The following ASPH variants were observed in gnomAD, a reference collection of about 807,000 sequenced individuals.
The protein encoded by ASPH is aspartyl/asparaginyl beta-hydroxylase.
ASPH carries 100 observed loss-of-function variants against 118.4 expected under a neutral mutation model. That is an observed-to-expected ratio of 0.84 (90% CI 0.72 to 1.00). The LOEUF is 1.00. Ranked by LOEUF, ASPH falls within the 50% of genes least tolerant of loss-of-function variation. The probability of loss-of-function intolerance (pLI) is 0.00; values close to 1 mark genes in which losing one functional copy is unlikely to be tolerated. For missense variants in ASPH, 920 were observed against 919.5 expected (o/e 1.00, Z -0.01); for synonymous variants, 315 against 325.6 (o/e 0.97, Z 0.35).
chr8:61,700,226 C>T (rs955474003), intron 1 of ASPH, among the ~76,000 whole-genome samples: 2 of 152,186 alleles, frequency 1.3e-5, no homozygotes, highest in Admixed American at 6.5e-5. Flanking sequence ...TGTGAATAAC[C>T]ATGCCAGTCA....
chr8:61,545,689 A>G (rs1009967132), intron 21 of ASPH, among the ~76,000 whole-genome samples: 3 of 152,222 alleles, frequency 2.0e-5, no homozygotes, highest in Non-Finnish European at 4.4e-5. Flanking sequence ...AGCCCATAGT[A>G]GACTGCCTTC....
At chr8:61,533,951 CTCTT>C (rs1157159349) in intron 21 of ASPH, among the ~76,000 whole-genome samples, 1 of 151,984 alleles carries the variant, frequency 6.6e-6, no homozygotes, top group Non-Finnish European at 1.5e-5. Context: ...TCCTTCTTGA[CTCTT>C]TATTTTTTTG....
intron 1 of ASPH, among the ~76,000 whole-genome samples, chr8:61,699,058 C>T (rs985719796): frequency 3.3e-5 from 5 of 152,282 alleles, no homozygotes; most frequent in Admixed American, 6.5e-5. Flanking sequence ...ACCAAGTGGG[C>T]GCTGGGACAT....
At chr8:61,586,356 C>T (rs934152085) in intron 14 of ASPH, among the ~76,000 whole-genome samples, 3 of 152,190 alleles carry the variant, frequency 2.0e-5, no homozygotes, top group South Asian at 4.1e-4. Flanking sequence ...TTGACACATA[C>T]CTCAAACTCA....
chr8:61,523,230 G>A (rs1272604166), intron 22 of ASPH, among the ~76,000 whole-genome samples: 1 of 151,642 alleles, frequency 6.6e-6, no homozygotes, highest in Non-Finnish European at 1.5e-5. Context: ...CTCTATTTCT[G>A]AACCACAGCA....
chr8:61,565,045 C>T (rs1449151430), intron 17 of ASPH, among the ~76,000 whole-genome samples: 2 of 152,190 alleles, frequency 1.3e-5, no homozygotes, highest in Admixed American at 6.5e-5. Context: ...GCTAGTCTTA[C>T]TTGCCTTTGG....
intron 1 of ASPH, among the ~76,000 whole-genome samples, chr8:61,695,133 T>C (rs1035521859): frequency 3.3e-5 from 5 of 152,238 alleles, no homozygotes; most frequent in African/African-American, 9.6e-5. Context: ...AGAAACTCTG[T>C]CTCAAGTTCC....
At chr8:61,619,144 T>C in intron 13 of ASPH, 125 bp from the exon 14 acceptor site, 1 of 617,572 alleles carries the variant, frequency 1.6e-6, no homozygotes, top group Non-Finnish European at 2.6e-6. Flanking sequence ...GAGCATACAA[T>C]TCAATTTTCC....
intron 1 of ASPH, chr8:61,687,298 G>A (rs915758775): frequency 2.0e-5 from 3 of 152,058 alleles, no homozygotes; most frequent in East Asian, 3.9e-4. Flanking sequence ...TAAATATAAG[G>A]GAAAAGTAGA....
Position 61,607,283 on chromosome 8 carries a change from G to C in ASPH, c.976+11695C>G, listed in dbSNP as rs146942935. The stretch of plus-strand genomic sequence containing the variant: ...AGGATGGCTGAAGTCCCAGGACATG[G>C]TGCAAGCCGCCTGGCTTTCACCAGA... On this transcript the variant is annotated intron_variant, in intron 14 of 24. Transcript: ENST00000379454. 93 of 702,236 alleles carry C rather than the reference G, an allele frequency of 1.3e-4. No individual in the cohort carries two copies. The Middle Eastern group carries it at 1.4e-3, about 10-fold the overall frequency. The allele number at this position is 702,236 out of a possible 1,614,324, so 43.5% of individuals were successfully genotyped here.
intron 15 of ASPH, among the ~76,000 whole-genome samples, chr8:61,577,179 G>A (rs1205159082): frequency 1.3e-5 from 2 of 151,818 alleles, no homozygotes; most frequent in Non-Finnish European, 1.5e-5. Context: ...CCTGTCGTGG[G>A]GTGGGGGGAT....
At chr8:61,664,854 T>C in intron 3 of ASPH, 3 of 991,024 alleles carry the variant, frequency 3.0e-6, no homozygotes, top group Non-Finnish European at 3.6e-6. Context: ...AACGAGCAAA[T>C]CCATCTCCCT....
intron 14 of ASPH, among the ~76,000 whole-genome samples, chr8:61,607,928 C>T (rs891144022): frequency 2.0e-5 from 3 of 152,212 alleles, no homozygotes; most frequent in African/African-American, 7.2e-5. Flanking sequence ...TGTCTACTCT[C>T]AGCTGCTGAA....
chr8:61,606,038 C>A (rs991491526), intron 14 of ASPH, among the ~76,000 whole-genome samples: 3 of 152,074 alleles, frequency 2.0e-5, no homozygotes, highest in Non-Finnish European at 4.4e-5. Context: ...CAATTAATGG[C>A]GCAACAACAC....
intron 16 of ASPH, among the ~76,000 whole-genome samples, chr8:61,569,516 GAACA>G (rs762176883): frequency 2.0e-5 from 3 of 151,654 alleles, no homozygotes; most frequent in East Asian, 1.9e-4. Flanking sequence ...CCAAAGTAAA[GAACA>G]AACAAACAAA....
At chr8:61,663,259 C>G in intron 3 of ASPH, 1 of 985,208 alleles carries the variant, frequency 1.0e-6, no homozygotes, top group East Asian at 1.1e-4. Flanking sequence ...ACCCACTCAA[C>G]TCCCATTCCA....
chr8:61,660,534 G>C (rs916528996), intron 3 of ASPH: 1 of 152,090 alleles, frequency 6.6e-6, no homozygotes, highest in Non-Finnish European at 1.5e-5. Flanking sequence ...GACTCTGCCC[G>C]AGAAGAAAGC....
At chr8:61,539,699 G>GGGGGGTGTGTGTGTGTGT (rs1554618405) in intron 21 of ASPH, among the ~76,000 whole-genome samples, 36 of 124,304 alleles carry the variant, frequency 2.9e-4, no homozygotes, top group African/African-American at 5.0e-4. Flanking sequence ...ACACTTCTGG[G>GGGGGGTGTGTGTGTGTGT]GTGTGTGTGT....
intron 3 of ASPH, among the ~76,000 whole-genome samples, chr8:61,670,013 A>G (rs1821602345): frequency 6.6e-6 from 1 of 152,198 alleles, no homozygotes. Flanking sequence ...AATGCATGAT[A>G]TAAAACTCCA....
Sources: gnomAD v4.1 joint callset for allele counts (sites outside exome capture counted in the v4.1 genomes callset) on GRCh38, gnomAD v4.1.1 for gene constraint, MANE v1.5 for transcripts, NCBI Gene and HGNC (gene_info 2026-07-23, HGNC 2026-07-21) for gene names.